Variants in EFHD1 observed in about 807,000 individuals in gnomAD.
EFHD1 encodes the protein EF-hand domain family member D1.
Under a neutral mutation model 17.2 loss-of-function variants are expected in EFHD1, and 10 were observed. The ratio of observed to expected loss-of-function variants is 0.58; its 90% confidence interval spans 0.36 to 0.99. The LOEUF is 0.99. EFHD1 is among the 50% of genes least tolerant of loss of function. The pLI, the probability that EFHD1 is intolerant of heterozygous loss-of-function variation, is 0.01. For missense variants in EFHD1, 310 were observed against 327.5 expected, an observed-to-expected ratio of 0.95 and a Z score of 0.41; for synonymous variants, 153 against 142.0, an observed-to-expected ratio of 1.08 and a Z score of -0.55.
At chr2:232,643,940 G>A (rs1237125669) in intron 1 of EFHD1, among the ~76,000 whole-genome samples, 1 of 152,226 alleles carries the variant, frequency 6.6e-6, no homozygotes, top group African/African-American at 2.4e-5. Flanking sequence ...GGGGGCTCCT[G>A]AAGGCCAAAT....
chr2:232,656,709 T>C (rs544015802), intron 1 of EFHD1, among the ~76,000 whole-genome samples: 1 of 152,260 alleles, frequency 6.6e-6, no homozygotes, highest in East Asian at 1.9e-4. Flanking sequence ...AGTGCTGGGA[T>C]TGGAGGCATG....
rs1314346320 is a variant in EFHD1, at chr2:232,671,808, G to C, written c.451-501G>C. On this transcript the variant is annotated intron_variant, in intron 2 of 3. Coordinates refer to ENST00000264059, the MANE Select transcript of EFHD1 (RefSeq NM_025202.4). ...GCAGTGGCTCACGCCTGTAATCCCAGCACTTTGGGAGGCCGAGGCGGACAG... is the reference window on the plus strand; with the variant it reads ...GCAGTGGCTCACGCCTGTAATCCCACCACTTTGGGAGGCCGAGGCGGACAG... Among the ~76,000 whole-genome samples, 2 of 152,120 alleles carry C rather than the reference G, an allele frequency of 1.3e-5. 1 individual carries two copies. The highest frequency in any genetic ancestry group is 2.9e-5 in the Non-Finnish European group (2 of 68,022).
intron 3 of EFHD1, among the ~76,000 whole-genome samples, chr2:232,680,328 ACACT>A (rs1695254461): frequency 6.6e-6 from 1 of 151,986 alleles, no homozygotes; most frequent in African/African-American, 2.4e-5. Context: ...ATTGAGACAC[ACACT>A]CACAGAATCA....
intron 1 of EFHD1, among the ~76,000 whole-genome samples, chr2:232,647,555 A>G (rs974577467): frequency 2.6e-5 from 4 of 152,160 alleles, no homozygotes; most frequent in Admixed American, 6.5e-5. Flanking sequence ...CCTGATATCC[A>G]CAGGGCTCCT....
At chr2:232,616,479 A>G (rs896965429) in intron 1 of EFHD1, among the ~76,000 whole-genome samples, 3 of 151,952 alleles carry the variant, frequency 2.0e-5, no homozygotes, top group Admixed American at 6.6e-5. Context: ...TTGTATTTTT[A>G]GTAGAGATGG....
chr2:232,681,525 A>G, intron 3 of EFHD1, 60 bp from the exon 4 acceptor site: 2 of 1,574,934 alleles, frequency 1.3e-6, no homozygotes, highest in South Asian at 1.2e-5. Context: ...AGGTGTCAGC[A>G]GCTCCAGGGT....
upstream of EFHD1, among the ~76,000 whole-genome samples, chr2:232,631,593 G>A (rs955277284): frequency 1.3e-5 from 2 of 150,812 alleles, no homozygotes; most frequent in Non-Finnish European, 2.9e-5. Flanking sequence ...TTACAGGTGT[G>A]AGCCACCGCG....
At chr2:232,671,642 G>A (rs772626086) in intron 2 of EFHD1, among the ~76,000 whole-genome samples, 22 of 151,974 alleles carry the variant, frequency 1.4e-4, no homozygotes, top group African/African-American at 5.1e-4. Context: ...CAGGAGAATC[G>A]CTTGAACCTG....
At chr2:232,675,629 C>G (rs1318450919) in intron 3 of EFHD1, among the ~76,000 whole-genome samples, 1 of 152,174 alleles carries the variant, frequency 6.6e-6, no homozygotes, top group African/African-American at 2.4e-5. Flanking sequence ...AGTGTTTGAG[C>G]AGGGCCTTGA....
At chr2:232,620,378 A>T (rs1574702430) in intron 1 of EFHD1, among the ~76,000 whole-genome samples, 1 of 137,156 alleles carries the variant, frequency 7.3e-6, no homozygotes, top group African/African-American at 2.8e-5. Flanking sequence ...ACAAAACGAG[A>T]CTCCATCTCA....
chr2:232,680,232 G>A lies in EFHD1; in HGVS notation c.586-1353G>A, dbSNP rs181562812. Among the ~76,000 whole-genome samples the A allele has an allele frequency of 6.2e-3, 940 of 151,880 alleles. 11 individuals carry two copies. The highest frequency in any genetic ancestry group is 0.022 in the African/African-American group (897 of 41,386). On this transcript the variant is annotated intron_variant, in intron 3 of 3. Transcript: ENST00000264059. ...AGAGATGGCAATGAGCTGAGATTGC[G>A]CCATTGTACTCCAGCCTGGACAACA...
At chr2:232,648,132 G>C (rs115679669) in intron 1 of EFHD1, among the ~76,000 whole-genome samples, 1 of 152,150 alleles carries the variant, frequency 6.6e-6, no homozygotes, top group Non-Finnish European at 1.5e-5. Flanking sequence ...GTCCCAGCTA[G>C]GCAGGAGGCT....
At chr2:232,635,295 C>A (rs1694297805) in intron 1 of EFHD1, among the ~76,000 whole-genome samples, 1 of 152,258 alleles carries the variant, frequency 6.6e-6, no homozygotes, top group Admixed American at 6.5e-5. Flanking sequence ...TCCCAGACCC[C>A]ACCAGTTCCT....
At chr2:232,634,251 C>G (rs1348467009) in intron 1 of EFHD1, among the ~76,000 whole-genome samples, 1 of 152,012 alleles carries the variant, frequency 6.6e-6, no homozygotes, top group African/African-American at 2.4e-5. Flanking sequence ...CGGCGGCTGC[C>G]GGGCCCGAGT....
intron 1 of EFHD1, among the ~76,000 whole-genome samples, chr2:232,609,172 G>A (rs1693770405): frequency 7.0e-6 from 1 of 142,386 alleles, no homozygotes; most frequent in Non-Finnish European, 1.5e-5. Flanking sequence ...TGATTCTCCT[G>A]TCTCAGCCTC....
chr2:232,623,395 C>T (rs12479105), intron 1 of EFHD1, among the ~76,000 whole-genome samples: 35,454 of 151,714 alleles, frequency 0.23, 4,653 homozygotes, highest in East Asian at 0.58. Context: ...ATTCTGAGGC[C>T]GGGTATTGTG....
At chr2:232,613,688 A>C (rs1693853681) in intron 1 of EFHD1, among the ~76,000 whole-genome samples, 1 of 152,002 alleles carries the variant, frequency 6.6e-6, no homozygotes. Flanking sequence ...ACACACATAC[A>C]CAAATATACA....
chr2:232,608,806 G>A (rs764587156), intron 1 of EFHD1, among the ~76,000 whole-genome samples: 12 of 151,730 alleles, frequency 7.9e-5, no homozygotes, highest in Non-Finnish European at 1.5e-4. Flanking sequence ...GGCTCATGCC[G>A]GTGGTCCCAG....
At chr2:232,641,994 C>G (rs917744923) in intron 1 of EFHD1, among the ~76,000 whole-genome samples, 49 of 152,168 alleles carry the variant, frequency 3.2e-4, no homozygotes, top group Non-Finnish European at 1.0e-4. Context: ...AGCTGGAGCC[C>G]CGGGGTAACA....
Sources: gnomAD v4.1 joint callset for allele counts (sites outside exome capture counted in the v4.1 genomes callset) on GRCh38, gnomAD v4.1.1 for gene constraint, MANE v1.5 for transcripts, NCBI Gene and HGNC (gene_info 2026-07-23, HGNC 2026-07-21) for gene names.